EHMT1: variants seen among roughly 807,000 people sequenced by gnomAD.
The protein encoded by EHMT1 is euchromatic histone lysine methyltransferase 1.
In EHMT1, 15 loss-of-function variants were observed where a neutral mutation model predicts 147.2. That is an observed-to-expected ratio of 0.10 (90% CI 0.07 to 0.16). EHMT1 has a LOEUF of 0.16. EHMT1 is among the 10% of genes least tolerant of loss of function. The pLI is 1.00. For synonymous variants in EHMT1, 795 were observed against 709.6 expected (o/e 1.12, Z -1.91); for missense variants, 1,587 against 1,772.4 (o/e 0.90, Z 1.88).
intron 6 of EHMT1, chr9:137,747,213 A>C (rs2136111135): frequency 6.6e-6 from 1 of 152,134 alleles, no homozygotes; most frequent in East Asian, 1.9e-4. Context: ...GGTGGAGTGC[A>C]ATGGTGCGAT....
chr9:137,721,838 C>T (rs1358457813), intron 3 of EHMT1, among the ~76,000 whole-genome samples: 4 of 152,204 alleles, frequency 2.6e-5, no homozygotes, highest in African/African-American at 9.7e-5. Context: ...TGAAGCTTCT[C>T]TTCTTTCTCT....
Position 137,658,312 on chromosome 9 carries a change from G to A in EHMT1, c.21+39263G>A, listed in dbSNP as rs139928598. The stretch of plus-strand genomic sequence containing the variant: ...ATTACAGGCTGGTGCCTCCACACCC[G>A]GTTAATTGTTGTATTTTTAGTAGAG... On this transcript the variant is annotated intron_variant, in intron 1 of 26. Coordinates refer to ENST00000460843, the MANE Select transcript of EHMT1 (RefSeq NM_024757.5). Among the ~76,000 whole-genome samples, 1,048 of 152,174 alleles carry A rather than the reference G, an allele frequency of 6.9e-3. 9 individuals are homozygous for A. The highest frequency in any genetic ancestry group is 0.011 in the Non-Finnish European group (717 of 68,010).
At position 137,782,328 on chromosome 9, in the gene EHMT1, G is replaced by A. The variant is rs774921741; in HGVS notation, c.2313G>A (p.Gln771=). ...ACCCCAACTTCAAAATGGAGCACCA[G>A]AATAAGCGCTCTCCACTGCACGCCG... is the stretch of plus-strand genomic sequence containing the variant. ...GIDPNFKMEH[Q]NKRSPLHAAA... The change falls in exon 15 of 27, where the codon CAG becomes CAA. Residue 771 remains glutamine (Q), a synonymous_variant. Transcript: ENST00000460843. The surrounding 1 kb of genome is among the most constrained non-coding windows in gnomAD (Gnocchi z 5.7). 23 of 1,613,530 alleles carry A rather than the reference G, an allele frequency of 1.4e-5. No individual in the cohort carries two copies. The highest frequency in any genetic ancestry group is 4.2e-6 in the Non-Finnish European group (5 of 1,179,966).
intron 18 of EHMT1, among the ~76,000 whole-genome samples, chr9:137,809,130 G>A (rs958036197): frequency 2.0e-5 from 3 of 152,160 alleles, no homozygotes; most frequent in Admixed American, 1.3e-4. Context: ...GCCTACACAC[G>A]GAGTTCGCTT....
At chr9:137,709,033 G>A (rs1405468026) in intron 1 of EHMT1, among the ~76,000 whole-genome samples, 1 of 152,208 alleles carries the variant, frequency 6.6e-6, no homozygotes, top group Non-Finnish European at 1.5e-5. Flanking sequence ...CCAAGTGCCT[G>A]CTGGTCAAGA....
rs757476606 is a variant in EHMT1, at chr9:137,716,764, A to T, written c.224A>T (p.Asp75Val). 1.6e-5 allele frequency: 26 copies of T among 1,612,922 alleles called. No individual in the cohort carries two copies. Among genetic ancestry groups the T allele is most frequent in the Non-Finnish European group, 2.1e-5 (25 of 1,179,770 alleles). ...SHANAAKHTQ[D>V]SARVNPQDGT... Reference sequence around the variant, plus strand: ...GCAAATGCTGCAAAGCACACTCAGGACAGCGCAAGGGTCAACCCCCAGGAT... The same window carrying T: ...GCAAATGCTGCAAAGCACACTCAGGTCAGCGCAAGGGTCAACCCCCAGGAT... The change falls in exon 3 of 27, where the codon GAC becomes GTC. Residue 75 changes from aspartate to valine, a missense_variant. Around this residue, in one of 7 missense-constraint regions of EHMT1, gnomAD observed 810 missense variants for 673.0 expected, o/e 1.20. Coordinates refer to ENST00000460843, the MANE Select transcript of EHMT1 (RefSeq NM_024757.5).
At chr9:137,807,857 G>T (rs1466819511) in intron 18 of EHMT1, among the ~76,000 whole-genome samples, 1 of 152,206 alleles carries the variant, frequency 6.6e-6, no homozygotes, top group Non-Finnish European at 1.5e-5. Flanking sequence ...CTGTGTCAAA[G>T]CCGGGCTTTT....
At chr9:137,674,479 G>A (rs1291868269) in intron 1 of EHMT1, among the ~76,000 whole-genome samples, 1 of 152,170 alleles carries the variant, frequency 6.6e-6, no homozygotes, top group African/African-American at 2.4e-5. Flanking sequence ...CAGATGCCCT[G>A]ACTCTCGGCT....
chr9:137,736,423 T>C (rs1947534252), intron 4 of EHMT1, among the ~76,000 whole-genome samples: 1 of 152,194 alleles, frequency 6.6e-6, no homozygotes, highest in Non-Finnish European at 1.5e-5. Flanking sequence ...AATAACCATA[T>C]AGCAAATAAG....
chr9:137,757,648 C>T (rs1949479177), intron 8 of EHMT1, among the ~76,000 whole-genome samples: 1 of 152,174 alleles, frequency 6.6e-6, no homozygotes, highest in East Asian at 1.9e-4. Flanking sequence ...AGCTTCTCTC[C>T]TCCCCCATGA....
intron 16 of EHMT1, chr9:137,795,268 GAT>G (rs1245118090): frequency 6.6e-6 from 1 of 152,120 alleles, no homozygotes; most frequent in African/African-American, 2.4e-5. Flanking sequence ...ATTTAAGAAA[GAT>G]TAATACAAAC....
chr9:137,644,873 TTTA>T (rs1467336386), intron 1 of EHMT1, among the ~76,000 whole-genome samples: 1 of 151,890 alleles, frequency 6.6e-6, no homozygotes, highest in Non-Finnish European at 1.5e-5. Context: ...TATTTATTTA[TTTA>T]TTATTATTTT....
At chr9:137,626,084 C>A (rs1843236465) in intron 1 of EHMT1, among the ~76,000 whole-genome samples, 2 of 147,200 alleles carry the variant, frequency 1.4e-5, no homozygotes, top group Admixed American at 1.4e-4. Context: ...TCAGGCTGGT[C>A]TCAAACTCCT....
intron 16 of EHMT1, among the ~76,000 whole-genome samples, chr9:137,797,326 A>G (rs1284246485): frequency 1.3e-5 from 2 of 151,884 alleles, no homozygotes; most frequent in African/African-American, 2.4e-5. Flanking sequence ...CTGACTCTCA[A>G]TCCCCTCACC....
chr9:137,707,370 C>T lies in EHMT1; in HGVS notation c.22-3597C>T, dbSNP rs547191936. Among the ~76,000 whole-genome samples, 17 of 152,332 alleles carry T rather than the reference C, an allele frequency of 1.1e-4. No individual in the cohort carries two copies. In the East Asian group the frequency reaches 1.5e-3, roughly 14 times the overall value. On this transcript the variant is annotated intron_variant, in intron 1 of 26. Transcript: ENST00000460843. Reference sequence around the variant, plus strand: ...GAGGCCACGGTTCTGGAGGAGAGGGCGGAGCCGCTGCCTTGCAGAGCCTGG... The same window carrying T: ...GAGGCCACGGTTCTGGAGGAGAGGGTGGAGCCGCTGCCTTGCAGAGCCTGG...
rs973103825 is a variant in EHMT1, at chr9:137,731,378, C to T, written c.823+2849C>T. 1.5e-4 allele frequency among the ~76,000 whole-genome samples: 23 copies of T among 152,298 alleles called. No homozygotes were observed. The highest frequency in any genetic ancestry group is 4.6e-4 in the African/African-American group (19 of 41,568). ...AGAAGTTACAGTTTCTGTGCTAGAA[C>T]GTGTTAACTAGAGAGGAGCATGGCA... On this transcript the variant is annotated intron_variant, in intron 4 of 26. Transcript: ENST00000460843. This position sits in a 1 kb window ranked among gnomAD's most constrained non-coding sequence, Gnocchi z 4.3.
intron 10 of EHMT1, among the ~76,000 whole-genome samples, chr9:137,767,346 G>A (rs1364939985): frequency 6.6e-6 from 1 of 152,236 alleles, no homozygotes; most frequent in Non-Finnish European, 1.5e-5. Flanking sequence ...ATGGACTGTA[G>A]CTGTGAAGGT....
rs2133171825 is a variant in EHMT1, at chr9:137,835,675, A to G, written c.*722A>G. ...TTAAGCCACATGCTATGATGAATAA[A>G]CTGATTTATTTTCTACCATTACTGA... On this transcript the variant is annotated 3_prime_UTR_variant, in exon 27 of 27. Transcript: ENST00000460843. 1 of 152,772 alleles carries G rather than the reference A, an allele frequency of 6.5e-6. No individual in the cohort carries two copies. The highest frequency in any genetic ancestry group is 6.5e-5 in the Admixed American group (1 of 15,308). 9.5% of individuals were successfully genotyped at this position (152,772 alleles called of 1,614,324 possible).
At chr9:137,744,850 G>T (rs986729267) in intron 6 of EHMT1, among the ~76,000 whole-genome samples, 5 of 152,270 alleles carry the variant, frequency 3.3e-5, no homozygotes, top group Admixed American at 1.3e-4. Context: ...TCACAGCGGT[G>T]CTGTTGCCCC....
Sources: allele counts gnomAD v4.1 joint callset (sites outside exome capture counted in the v4.1 genomes callset), GRCh38; gene constraint gnomAD v4.1.1; regional missense constraint gnomAD v4.1.1; non-coding constraint Gnocchi (gnomAD v3.1); transcripts MANE v1.5; gene names NCBI Gene and HGNC (gene_info 2026-07-23, HGNC 2026-07-21).